ACTR2: variants seen among roughly 807,000 people sequenced by gnomAD.
ACTR2 encodes the protein actin-related protein 2.
A neutral mutation model predicts 50.2 loss-of-function variants in ACTR2; 5 were observed. The ratio of observed to expected loss-of-function variants is 0.10; its 90% CI spans 0.05 to 0.21. The LOEUF is 0.21. Among genes scored for constraint, ACTR2 ranks in the 10% least tolerant of loss-of-function variants. ACTR2 has a pLI of 1.00. For synonymous variants in ACTR2, 140 were observed against 162.9 expected (o/e 0.86, Z 1.07); for missense variants, 180 against 480.6 (o/e 0.37, Z 5.85).
At chr2:65,247,203 A>G (rs1671953894) in intron 3 of ACTR2, among the ~76,000 whole-genome samples, 2 of 152,282 alleles carry the variant, frequency 1.3e-5, no homozygotes, top group Middle Eastern at 6.8e-3. Flanking sequence ...TTAACTTCTA[A>G]TAGCCTACTG....
rs202153616 is a variant in ACTR2, at chr2:65,255,602, A to G, written c.643A>G (p.Met215Val). The G allele has an allele frequency of 6.2e-7, 1 of 1,614,088 alleles. No homozygotes were observed. The highest frequency in any genetic ancestry group is 2.2e-5 in the East Asian group (1 of 44,864). Residue 215 changes from methionine to valine, a missense_variant, in exon 6 of 9, where the codon ATG becomes GTG. Met to Val is a conservative substitution (Grantham distance 21). Transcript: ENST00000260641. ...NHSADFETVR[M>V]IKEKLCYVGY... is the part of the protein sequence containing the mutation. The stretch of plus-strand genomic sequence containing the variant: ...CTCTGCTGATTTTGAAACGGTTCGC[A>G]TGATTAAAGAAAAACTGTGTTACGT...
chr2:65,246,411 G>A, intron 2 of ACTR2, 113 bp from the exon 3 acceptor site: 2 of 734,862 alleles, frequency 2.7e-6, no homozygotes, highest in Non-Finnish European at 4.3e-6. Flanking sequence ...TTTCTAACTT[G>A]TGGAATAAAA....
intron 1 of ACTR2, among the ~76,000 whole-genome samples, chr2:65,231,053 A>C (rs907247052): frequency 5.5e-5 from 8 of 146,524 alleles, no homozygotes; most frequent in South Asian, 2.1e-4. Flanking sequence ...GACTGTCACA[A>C]AAAAAAAAAA....
Position 65,269,178 on chromosome 2 carries a change from T to C in ACTR2, c.*444T>C, listed in dbSNP as rs1435703690. On this transcript the variant is annotated 3_prime_UTR_variant, in exon 9 of 9. Coordinates refer to ENST00000260641, the MANE Select transcript of ACTR2 (RefSeq NM_005722.4). ...ATGGGTGGGCAGCTGCTGAACCCTT[T>C]AGGGCATTTCCTCTGTAATGTGGCG... The C allele has an allele frequency of 3.9e-5, 6 of 154,450 alleles. No individual in the cohort carries two copies. The highest frequency in any genetic ancestry group is 5.7e-5 in the Non-Finnish European group (4 of 69,814). The allele number at this position is 154,450 out of a possible 1,614,324, so 9.6% of individuals were successfully genotyped here.
At chr2:65,264,276 C>T (rs1230725609) in intron 7 of ACTR2, among the ~76,000 whole-genome samples, 1 of 152,154 alleles carries the variant, frequency 6.6e-6, no homozygotes, top group Non-Finnish European at 1.5e-5. Flanking sequence ...ATGCGACATT[C>T]ACTGGGCTTG....
At chr2:65,263,339 C>T in intron 7 of ACTR2, among the ~76,000 whole-genome samples, 1 of 133,038 alleles carries the variant, frequency 7.5e-6, no homozygotes, top group Non-Finnish European at 1.6e-5. Flanking sequence ...TCTCTGTTTG[C>T]CATTTGTCTA....
intron 1 of ACTR2, chr2:65,228,543 C>G (rs985813837): frequency 6.6e-6 from 1 of 151,956 alleles, no homozygotes; most frequent in Non-Finnish European, 1.5e-5. Context: ...ATCGGCAGCG[C>G]ATCGTTCACT....
intron 6 of ACTR2, among the ~76,000 whole-genome samples, chr2:65,258,630 G>GCA (rs376618399): frequency 6.6e-6 from 1 of 151,962 alleles, no homozygotes; most frequent in Non-Finnish European, 1.5e-5. Flanking sequence ...ATATATATAT[G>GCA]CACACACACA....
intron 1 of ACTR2, among the ~76,000 whole-genome samples, chr2:65,228,994 C>T (rs992355627): frequency 6.6e-6 from 1 of 151,990 alleles, no homozygotes; most frequent in African/African-American, 2.4e-5. Context: ...GCAGGAGAAT[C>T]CCTTGAAGCC....
chr2:65,229,434 A>G (rs1377979730), intron 1 of ACTR2, among the ~76,000 whole-genome samples: 1 of 152,100 alleles, frequency 6.6e-6, no homozygotes, highest in Non-Finnish European at 1.5e-5. Flanking sequence ...GAACTGTGTT[A>G]AAAATGGACT....
chr2:65,269,452 T>C lies in ACTR2; in HGVS notation c.*718T>C, dbSNP rs1294337307. 2 of 152,204 alleles carry C rather than the reference T, an allele frequency of 1.3e-5. No individual in the cohort carries two copies. The highest frequency in any genetic ancestry group is 2.9e-5 in the Non-Finnish European group (2 of 68,036). 9.4% of individuals were successfully genotyped at this position (152,204 alleles called of 1,614,324 possible). On this transcript the variant is annotated 3_prime_UTR_variant, in exon 9 of 9. Transcript: ENST00000260641. ...TGCTCTGCCTGGAGCTGTTTCCATA[T>C]GATATAAAAAGCAAGTGTAGTATTC...
intron 6 of ACTR2, among the ~76,000 whole-genome samples, chr2:65,260,687 G>A (rs1231749923): frequency 1.3e-5 from 2 of 150,608 alleles, no homozygotes; most frequent in African/African-American, 2.4e-5. Context: ...ATGCATCAGT[G>A]ATTTCTCCAA....
At chr2:65,265,221 T>C (rs766091313) in intron 8 of ACTR2, 46 bp downstream of exon 8, 2 of 1,607,964 alleles carry the variant, frequency 1.2e-6, no homozygotes, top group African/African-American at 1.3e-5. Context: ...TTTAAAAGGC[T>C]ATACAGTAGT....
At chr2:65,256,567 G>T (rs1339116529) in intron 6 of ACTR2, among the ~76,000 whole-genome samples, 1 of 152,136 alleles carries the variant, frequency 6.6e-6, no homozygotes, top group Non-Finnish European at 1.5e-5. Flanking sequence ...CATTTTTAAA[G>T]TAATTATAAA....
chr2:65,266,382 C>T (rs1672372794), intron 8 of ACTR2, among the ~76,000 whole-genome samples: 1 of 151,792 alleles, frequency 6.6e-6, no homozygotes, highest in Non-Finnish European at 1.5e-5. Flanking sequence ...ATCTTCCAGG[C>T]AGGAAAAATG....
At position 65,268,837 on chromosome 2, in the gene ACTR2, G is replaced by A. The variant is rs113084011; in HGVS notation, c.*103G>A. ...CAGGACATGGAAGAGGCCTCTCTCT[G>A]CCCTTTGACTGGAAAGGTCAAGTTT... On this transcript the variant is annotated 3_prime_UTR_variant, in exon 9 of 9. Coordinates refer to ENST00000260641, the MANE Select transcript of ACTR2 (RefSeq NM_005722.4). 9 of 1,256,292 alleles carry A rather than the reference G, an allele frequency of 7.2e-6. No individual in the cohort carries two copies. In the African/African-American group the frequency reaches 9.1e-5, roughly 13 times the overall value. 77.8% of individuals were successfully genotyped at this position (1,256,292 alleles called of 1,614,324 possible).
chr2:65,258,121 T>TCTTCTTGA (rs1672186079), intron 6 of ACTR2, among the ~76,000 whole-genome samples: 1 of 152,198 alleles, frequency 6.6e-6, no homozygotes, highest in Non-Finnish European at 1.5e-5. Context: ...CTTCCTGAAG[T>TCTTCTTGA]CTTCTTGACA....
intron 2 of ACTR2, among the ~76,000 whole-genome samples, chr2:65,243,122 T>C (rs368033909): frequency 1.3e-5 from 2 of 151,780 alleles, no homozygotes; most frequent in Non-Finnish European, 2.9e-5. Context: ...CTACTAAAAA[T>C]AGAAAAATCA....
At chr2:65,257,407 CAT>C (rs796182787) in intron 6 of ACTR2, among the ~76,000 whole-genome samples, 2 of 152,160 alleles carry the variant, frequency 1.3e-5, no homozygotes, top group South Asian at 2.1e-4. Context: ...CTGCAGTAAA[CAT>C]ATGTGTGCAT....
Sources: gnomAD v4.1 joint callset for allele counts (sites outside exome capture counted in the v4.1 genomes callset) on GRCh38, gnomAD v4.1.1 for gene constraint, MANE v1.5 for transcripts, NCBI Gene and HGNC (gene_info 2026-07-23, HGNC 2026-07-21) for gene names.